GALNT13: variants seen among roughly 807,000 people sequenced by gnomAD.
The protein encoded by GALNT13 is polypeptide N-acetylgalactosaminyltransferase 13, also known as UDP-GalNAc:polypeptide N-acetylgalactosaminyltransferase 13.
In GALNT13, 28 loss-of-function variants were observed where a neutral mutation model predicts 64.2. That is an observed-to-expected ratio of 0.44 (90% confidence interval 0.32 to 0.60). The LOEUF is 0.60. GALNT13 is among the 20% of genes least tolerant of loss of function. The probability of loss-of-function intolerance (pLI) is 0.05; values close to 1 mark genes in which losing one functional copy is unlikely to be tolerated. For synonymous variants in GALNT13, 214 were observed against 224.6 expected, an observed-to-expected ratio of 0.95 and a Z score of 0.42; for missense variants, 577 against 669.8, an observed-to-expected ratio of 0.86 and a Z score of 1.53.
At chr2:153,903,445 A>G (rs1398143146) in intron 2 of GALNT13, among the ~76,000 whole-genome samples, 1 of 151,982 alleles carries the variant, frequency 6.6e-6, no homozygotes, top group Non-Finnish European at 1.5e-5. Context: ...TTTTGCATCA[A>G]CCTAATATAC....
intron 4 of GALNT13, among the ~76,000 whole-genome samples, chr2:154,184,461 A>AT (rs1400164051): frequency 1.3e-5 from 2 of 150,876 alleles, no homozygotes; most frequent in East Asian, 3.9e-4. Context: ...TTCCTTTGTT[A>AT]TTTTTTTCCT....
the GALNT13 span, among the ~76,000 whole-genome samples, chr2:153,481,538 T>C: frequency 2.6e-5 from 4 of 152,188 alleles, no homozygotes; most frequent in Non-Finnish European, 5.9e-5. Context: ...AAAGCAAAGA[T>C]TTTTGATACT....
chr2:153,424,169 T>C, the GALNT13 span, among the ~76,000 whole-genome samples: 1 of 150,768 alleles, frequency 6.6e-6, no homozygotes, highest in South Asian at 2.1e-4. Flanking sequence ...GTCAATTGGC[T>C]AAACATACAG....
chr2:153,534,522 C>CTT, the GALNT13 span, among the ~76,000 whole-genome samples: 13 of 141,322 alleles, frequency 9.2e-5, no homozygotes, highest in African/African-American at 3.5e-4. Context: ...CTCTTTCTTT[C>CTT]TTTCTTTTTT....
intron 9 of GALNT13, among the ~76,000 whole-genome samples, chr2:154,384,088 A>G (rs1021803346): frequency 6.6e-6 from 1 of 151,984 alleles, no homozygotes; most frequent in Non-Finnish European, 1.5e-5. Context: ...TTCATTAAAA[A>G]TTTGTGATTA....
the GALNT13 span, among the ~76,000 whole-genome samples, chr2:153,441,479 G>A: frequency 6.6e-6 from 1 of 152,156 alleles, no homozygotes; most frequent in Non-Finnish European, 1.5e-5. Context: ...TTCTAATTCA[G>A]TGAGGAAAGT....
the GALNT13 span, among the ~76,000 whole-genome samples, chr2:153,418,813 A>T: frequency 6.6e-6 from 1 of 152,122 alleles, no homozygotes; most frequent in African/African-American, 2.4e-5. Flanking sequence ...TGCCAAGATC[A>T]CACCACTGCA....
chr2:153,658,419 G>T, the GALNT13 span, among the ~76,000 whole-genome samples: 1 of 152,048 alleles, frequency 6.6e-6, no homozygotes, highest in Admixed American at 6.6e-5. Context: ...ATGTGGTTAA[G>T]CATATTTTTA....
intron 4 of GALNT13, among the ~76,000 whole-genome samples, chr2:154,225,849 A>G (rs77535369): frequency 0.026 from 3,925 of 152,202 alleles, 188 homozygotes; most frequent in African/African-American, 0.089. Flanking sequence ...GGGGAAACAC[A>G]ACAAAGGCTG....
At chr2:153,403,282 C>G in the GALNT13 span, among the ~76,000 whole-genome samples, 4 of 150,788 alleles carry the variant, frequency 2.7e-5, no homozygotes, top group Admixed American at 6.6e-5. Flanking sequence ...GCAGTCTGCC[C>G]GTTCTCAGAT....
At chr2:153,864,546 G>A in the GALNT13 span, among the ~76,000 whole-genome samples, 2 of 152,096 alleles carry the variant, frequency 1.3e-5, no homozygotes, top group Non-Finnish European at 2.9e-5. Context: ...TTGCTTATCA[G>A]CTTAAGGAGA....
At chr2:153,376,098 C>G in the GALNT13 span, among the ~76,000 whole-genome samples, 2 of 152,140 alleles carry the variant, frequency 1.3e-5, 1 homozygote, top group Admixed American at 1.3e-4. Context: ...CCAAACACCC[C>G]CAACTAGGTC....
chr2:153,887,424 G>A (rs142929843), intron 1 of GALNT13, among the ~76,000 whole-genome samples: 2 of 150,968 alleles, frequency 1.3e-5, no homozygotes, highest in African/African-American at 4.9e-5. Context: ...TGCAAAATTG[G>A]GCCCCAAGTG....
chr2:153,716,215 T>C, the GALNT13 span, among the ~76,000 whole-genome samples: 1 of 152,228 alleles, frequency 6.6e-6, no homozygotes, highest in African/African-American at 2.4e-5. Context: ...AGAGCTTTAG[T>C]CACACTGAAT....
chr2:153,130,320 A>T, the GALNT13 span, among the ~76,000 whole-genome samples: 1 of 152,118 alleles, frequency 6.6e-6, no homozygotes, highest in African/African-American at 2.4e-5. Context: ...CATTTCACTC[A>T]AAGTCAGAGT....
At chr2:154,297,590 A>T (rs2105974510) in intron 8 of GALNT13, among the ~76,000 whole-genome samples, 1 of 152,300 alleles carries the variant, frequency 6.6e-6, no homozygotes, top group South Asian at 2.1e-4. Context: ...TGGCACCTTG[A>T]TCTTTAACTT....
At chr2:153,120,478 G>C in the GALNT13 span, among the ~76,000 whole-genome samples, 1 of 152,044 alleles carries the variant, frequency 6.6e-6, no homozygotes, top group Non-Finnish European at 1.5e-5. Flanking sequence ...TTCTACTTAT[G>C]ACCCTCAGGC....
chr2:154,180,463 A>G (rs1685894946), intron 4 of GALNT13, among the ~76,000 whole-genome samples: 1 of 152,032 alleles, frequency 6.6e-6, no homozygotes, highest in Admixed American at 6.6e-5. Context: ...TTAAATTTAC[A>G]TTTACAATTT....
At chr2:153,892,971 A>C (rs1355769003) in intron 1 of GALNT13, among the ~76,000 whole-genome samples, 1 of 151,962 alleles carries the variant, frequency 6.6e-6, no homozygotes, top group African/African-American at 2.4e-5. Context: ...TTGGTACTTT[A>C]TTTTTCCCTC....
Sources: allele counts gnomAD v4.1 joint callset (sites outside exome capture counted in the v4.1 genomes callset), GRCh38; gene constraint gnomAD v4.1.1; transcripts MANE v1.5; gene names NCBI Gene and HGNC (gene_info 2026-07-23, HGNC 2026-07-21).